Variants in GSE1 observed in about 807,000 individuals in gnomAD.
The protein encoded by GSE1 is genetic suppressor element 1.
Under a neutral mutation model 112.6 loss-of-function variants are expected in GSE1, and 32 were observed. The observed-to-expected ratio is 0.28, with a 90% CI of 0.21 to 0.38. The LOEUF (loss-of-function observed/expected upper bound fraction) is 0.38, where lower values mean the gene tolerates loss of function less well. Ranked by LOEUF, GSE1 falls within the 10% of genes least tolerant of loss-of-function variation. The pLI is 1.00. For synonymous variants in GSE1, 1,115 were observed against 735.6 expected, an observed-to-expected ratio of 1.52 and a Z score of -8.35; for missense variants, 2,348 against 1,699.2, an observed-to-expected ratio of 1.38 and a Z score of -6.71.
chr16:85,383,621 G>A (rs2047617336), intron 2 of GSE1, among the ~76,000 whole-genome samples: 1 of 151,130 alleles, frequency 6.6e-6, no homozygotes, highest in African/African-American at 2.5e-5. Flanking sequence ...GGGTGACCAT[G>A]AGTTTCCTCA....
At chr16:85,663,290 C>T in intron 10 of GSE1, 54 bp from the exon 11 acceptor site, 1 of 1,589,160 alleles carries the variant, frequency 6.3e-7, no homozygotes, top group Non-Finnish European at 8.6e-7. Context: ...CGGGACAGTG[C>T]AAGCATACCA....
At chr16:85,544,487 C>T (rs939775062) in intron 2 of GSE1, among the ~76,000 whole-genome samples, 1 of 152,164 alleles carries the variant, frequency 6.6e-6, no homozygotes, top group African/African-American at 2.4e-5. Context: ...GTGGCTGGGG[C>T]TGACTCCAGA....
intron 2 of GSE1, among the ~76,000 whole-genome samples, chr16:85,495,223 C>G (rs1004564918): frequency 6.6e-6 from 1 of 152,046 alleles, no homozygotes; most frequent in Admixed American, 6.6e-5. Context: ...AATACTGACC[C>G]CAAGTCAAGC....
chr16:85,350,098 T>A (rs987682129), intron 1 of GSE1, among the ~76,000 whole-genome samples: 3 of 152,132 alleles, frequency 2.0e-5, no homozygotes, highest in African/African-American at 7.2e-5. Context: ...GTTGCTGGGA[T>A]GATTAAATGG....
chr16:85,386,011 G>A (rs2047680803), intron 2 of GSE1, among the ~76,000 whole-genome samples: 1 of 152,206 alleles, frequency 6.6e-6, no homozygotes, highest in Non-Finnish European at 1.5e-5. Context: ...ACCCAGGGAG[G>A]GCATCACTCT....
At chr16:85,397,855 C>A (rs35042463) in intron 2 of GSE1, among the ~76,000 whole-genome samples, 17 of 152,000 alleles carry the variant, frequency 1.1e-4, no homozygotes, top group Non-Finnish European at 2.1e-4. Context: ...CTCCTCCAGC[C>A]CGCATAGAAG....
intron 1 of GSE1, among the ~76,000 whole-genome samples, chr16:85,258,971 C>T (rs565247644): frequency 6.6e-6 from 1 of 152,208 alleles, no homozygotes. Context: ...TCTCTGGGGG[C>T]TGAGCTTCTG....
chr16:85,381,772 G>A (rs1293773123), intron 2 of GSE1, among the ~76,000 whole-genome samples: 1 of 152,214 alleles, frequency 6.6e-6, no homozygotes, highest in Non-Finnish European at 1.5e-5. Flanking sequence ...CCTCCCTTGT[G>A]CAAATCACTC....
At chr16:85,537,667 G>A (rs1371659139) in intron 2 of GSE1, among the ~76,000 whole-genome samples, 1 of 152,256 alleles carries the variant, frequency 6.6e-6, no homozygotes, top group African/African-American at 2.4e-5. Context: ...TTCGTACCTG[G>A]CCACTGACTT....
chr16:85,646,172 A>G (rs112329021), intron 2 of GSE1, among the ~76,000 whole-genome samples: 1,429 of 125,060 alleles, frequency 0.011, 279 homozygotes, highest in African/African-American at 0.056. Flanking sequence ...CTTCCTATGC[A>G]TGCATTCTAC....
intron 1 of GSE1, among the ~76,000 whole-genome samples, chr16:85,277,964 A>C (rs938513411): frequency 6.6e-6 from 1 of 152,234 alleles, no homozygotes; most frequent in East Asian, 1.9e-4. Flanking sequence ...ATGGGTGCGC[A>C]CAGAGGGGAA....
intron 1 of GSE1, among the ~76,000 whole-genome samples, chr16:85,632,041 T>C (rs2151730974): frequency 6.6e-6 from 1 of 152,314 alleles, no homozygotes; most frequent in East Asian, 1.9e-4. Flanking sequence ...CAGCCCGCAT[T>C]TTCTGGAAGT....
intron 1 of GSE1, among the ~76,000 whole-genome samples, chr16:85,235,429 TGTGTG>T: frequency 1.3e-4 from 1 of 7,762 alleles, no homozygotes; most frequent in South Asian, 3.2e-3. Context: ...GGAAGGGTAC[TGTGTG>T]TGTGTGTGTG....
chr16:85,396,345 C>T (rs1383316085), intron 2 of GSE1, among the ~76,000 whole-genome samples: 1 of 152,222 alleles, frequency 6.6e-6, no homozygotes, highest in East Asian at 1.9e-4. Context: ...TAGGCCGTGG[C>T]CCAGCGCAGA....
chr16:85,638,025 A>G (rs1268003681), intron 2 of GSE1, among the ~76,000 whole-genome samples: 1 of 152,118 alleles, frequency 6.6e-6, no homozygotes, highest in Admixed American at 6.5e-5. Flanking sequence ...GTGCTGCCCC[A>G]CGCGGCCCCT....
intron 2 of GSE1, among the ~76,000 whole-genome samples, chr16:85,366,982 A>T (rs1048788656): frequency 6.6e-6 from 1 of 152,076 alleles, no homozygotes; most frequent in Non-Finnish European, 1.5e-5. Flanking sequence ...CAGGGACCCC[A>T]GGGACAGAGC....
chr16:85,582,382 C>T (rs964239704), intron 1 of GSE1, among the ~76,000 whole-genome samples: 4 of 152,200 alleles, frequency 2.6e-5, no homozygotes, highest in African/African-American at 9.6e-5. Flanking sequence ...ATGGGGAAGC[C>T]CCCACGTGCT....
intron 1 of GSE1, among the ~76,000 whole-genome samples, chr16:85,209,753 G>T (rs1201554201): frequency 6.6e-6 from 1 of 152,238 alleles, no homozygotes; most frequent in Non-Finnish European, 1.5e-5. Flanking sequence ...GCCTGACGTT[G>T]CCTGCTGGGC....
exon 1 of GSE1, chr16:85,170,302 G>C: frequency 1.0e-6 from 1 of 985,590 alleles, no homozygotes; most frequent in Non-Finnish European, 1.2e-6. Flanking sequence ...GAAGGGGGTT[G>C]GGAGGCACTG....
Sources: allele counts gnomAD v4.1 joint callset (sites outside exome capture counted in the v4.1 genomes callset), GRCh38; gene constraint gnomAD v4.1.1; transcripts MANE v1.5; gene names NCBI Gene and HGNC (gene_info 2026-07-23, HGNC 2026-07-21).